The following SYCP1 variants were observed in gnomAD, a reference collection of about 807,000 sequenced individuals.
The protein encoded by SYCP1 is synaptonemal complex protein 1, also known as cancer/testis antigen 8.
Under a neutral mutation model 153.1 loss-of-function variants are expected in SYCP1, and 64 were observed. The ratio of observed to expected loss-of-function variants is 0.42; its 90% confidence interval spans 0.34 to 0.51. The LOEUF is 0.51. SYCP1 is among the 20% of genes least tolerant of loss of function. The pLI is 0.06. For missense variants in SYCP1, 997 were observed against 1,049.0 expected (o/e 0.95, Z 0.68); for synonymous variants, 384 against 341.8 (o/e 1.12, Z -1.36).
intron 8 of SYCP1, among the ~76,000 whole-genome samples, chr1:114,872,847 G>A (rs759303158): frequency 2.9e-4 from 44 of 151,938 alleles, no homozygotes; most frequent in African/African-American, 8.0e-4. Flanking sequence ...TAGAGACAGC[G>A]TCTTTCTATG....
chr1:114,862,499 A>G (rs360619), intron 8 of SYCP1, among the ~76,000 whole-genome samples: 67,431 of 151,396 alleles, frequency 0.45, 16,261 homozygotes, highest in Non-Finnish European at 0.55. Flanking sequence ...ACAGGTGCCC[A>G]CCACCACGCT....
At chr1:114,858,129 T>C (rs1169738437) in intron 5 of SYCP1, among the ~76,000 whole-genome samples, 1 of 152,112 alleles carries the variant, frequency 6.6e-6, no homozygotes, top group Non-Finnish European at 1.5e-5. Flanking sequence ...ATATCTTGTC[T>C]TCACTTTTAT....
intron 23 of SYCP1, among the ~76,000 whole-genome samples, chr1:114,938,525 T>C (rs1363260412): frequency 2.0e-5 from 3 of 151,930 alleles, no homozygotes; most frequent in Non-Finnish European, 4.4e-5. Flanking sequence ...TGTGCACATG[T>C]ACCCTAGAAC....
At chr1:114,910,690 A>T (rs917965301) in intron 17 of SYCP1, among the ~76,000 whole-genome samples, 189 bp downstream of exon 17, 1 of 152,232 alleles carries the variant, frequency 6.6e-6, no homozygotes, top group Non-Finnish European at 1.5e-5. Flanking sequence ...ATAATGTGAG[A>T]AAGATCAGCA....
At chr1:114,923,972 T>C (rs1194688800) in intron 21 of SYCP1, among the ~76,000 whole-genome samples, 1 of 152,150 alleles carries the variant, frequency 6.6e-6, no homozygotes, top group Non-Finnish European at 1.5e-5. Context: ...ATTATACAGA[T>C]TGGAAGAAAA....
At chr1:114,972,674 G>A (rs1226692600) in intron 27 of SYCP1, among the ~76,000 whole-genome samples, 3 of 152,198 alleles carry the variant, frequency 2.0e-5, no homozygotes, top group East Asian at 3.9e-4. Context: ...TCATTCTGGA[G>A]CATATTGTTT....
At chr1:114,878,802 C>T (rs1389143824) in intron 12 of SYCP1, among the ~76,000 whole-genome samples, 2 of 152,188 alleles carry the variant, frequency 1.3e-5, no homozygotes, top group African/African-American at 4.8e-5. Flanking sequence ...CTCAGCCTCC[C>T]AAAGTTCTGG....
chr1:114,885,582 T>C lies in SYCP1; in HGVS notation c.958T>C (p.Leu320=), dbSNP rs764992675. 1.3e-6 allele frequency: 2 copies of C among 1,584,874 alleles called. No homozygotes were observed. Among genetic ancestry groups the C allele is most frequent in the South Asian group, 2.3e-5 (2 of 86,558 alleles). Residue 320 remains leucine (L), a synonymous_variant, in exon 13 of 32, where the codon TTG becomes CTG. Coordinates refer to ENST00000369522, the MANE Select transcript of SYCP1 (RefSeq NM_003176.4). ...ACAATCAATTGAGAAACAGCATCAT[T>C]TGACTAAAGAACTAGAAGATATTAA... ...LKQSIEKQHH[L]TKELEDIKVS...
intron 9 of SYCP1, among the ~76,000 whole-genome samples, chr1:114,875,282 A>G (rs1227784580): frequency 4.9e-5 from 5 of 101,694 alleles, no homozygotes; most frequent in African/African-American, 1.6e-4. Flanking sequence ...TTTTTTTTTG[A>G]GACAGTCTGG....
At chr1:114,913,215 C>T in intron 19 of SYCP1, 65 bp downstream of exon 19, 3 of 1,259,578 alleles carry the variant, frequency 2.4e-6, no homozygotes, top group Middle Eastern at 2.0e-4. Context: ...GAATAGATGA[C>T]CTCTAAAGAC....
chr1:114,904,284 T>G (rs1667674673), intron 16 of SYCP1, among the ~76,000 whole-genome samples: 1 of 151,950 alleles, frequency 6.6e-6, no homozygotes, highest in Non-Finnish European at 1.5e-5. Flanking sequence ...GCCTGGCTAC[T>G]TTTTTGTATT....
At chr1:114,951,103 C>A (rs898234959) in intron 27 of SYCP1, among the ~76,000 whole-genome samples, 1 of 152,056 alleles carries the variant, frequency 6.6e-6, no homozygotes, top group South Asian at 2.1e-4. Flanking sequence ...GGATTACAGG[C>A]GTGAGCCACC....
intron 8 of SYCP1, among the ~76,000 whole-genome samples, chr1:114,866,094 A>T (rs1664724592): frequency 6.6e-6 from 1 of 152,200 alleles, no homozygotes; most frequent in South Asian, 2.1e-4. Context: ...ACTAAAGGAC[A>T]TCTTGGTTGC....
chr1:114,910,597 T>C (rs558385678), intron 17 of SYCP1, 96 bp downstream of exon 17: 1 of 774,984 alleles, frequency 1.3e-6, no homozygotes, highest in African/African-American at 1.8e-5. Flanking sequence ...AAAGATTTCT[T>C]CACAAAATTC....
intron 27 of SYCP1, among the ~76,000 whole-genome samples, chr1:114,964,211 G>T (rs2101892724): frequency 6.6e-6 from 1 of 152,112 alleles, no homozygotes; most frequent in South Asian, 2.1e-4. Context: ...CCCACTTTTT[G>T]ATGGGGTTGT....
At chr1:114,885,826 C>A (rs1187481413) in intron 13 of SYCP1, among the ~76,000 whole-genome samples, 197 bp downstream of exon 13, 1 of 152,082 alleles carries the variant, frequency 6.6e-6, no homozygotes, top group African/African-American at 2.4e-5. Context: ...AAATACAAGA[C>A]CCTGGACAGG....
intron 8 of SYCP1, among the ~76,000 whole-genome samples, chr1:114,861,882 C>T (rs1221838810): frequency 5.4e-5 from 8 of 147,302 alleles, no homozygotes; most frequent in African/African-American, 1.5e-4. Flanking sequence ...TCTCTGCAAC[C>T]GCTGCCTCCT....
At chr1:114,942,422 C>A (rs904063264) in intron 23 of SYCP1, among the ~76,000 whole-genome samples, 1 of 151,878 alleles carries the variant, frequency 6.6e-6, no homozygotes, top group African/African-American at 2.4e-5. Context: ...CTAAAGCAAT[C>A]TTTAAGAACA....
At chr1:114,946,468 A>ATT (rs1006079908) in intron 26 of SYCP1, 87 bp downstream of exon 26, 1 of 730,522 alleles carries the variant, frequency 1.4e-6, no homozygotes, top group African/African-American at 1.9e-5. Flanking sequence ...AGTAAAACTA[A>ATT]TTTTTGAGCT....
Sources: gnomAD v4.1 joint callset for allele counts (sites outside exome capture counted in the v4.1 genomes callset) on GRCh38, gnomAD v4.1.1 for gene constraint, MANE v1.5 for transcripts, NCBI Gene and HGNC (gene_info 2026-07-23, HGNC 2026-07-21) for gene names.